AKAP19: variants seen among roughly 807,000 people sequenced by gnomAD.
AKAP19 encodes A-kinase anchoring protein 19.
At chr2:190,132,098 C>G in the AKAP19 span, among the ~76,000 whole-genome samples, 1 of 151,526 alleles carries the variant, frequency 6.6e-6, no homozygotes, top group South Asian at 2.1e-4. Flanking sequence ...GAAATTTAAC[C>G]AAAGAGGTGA....
At chr2:190,193,398 G>C in the AKAP19 span, among the ~76,000 whole-genome samples, 1 of 152,002 alleles carries the variant, frequency 6.6e-6, no homozygotes, top group African/African-American at 2.4e-5. Context: ...TGTCTTCTTG[G>C]TAATACTGGC....
the AKAP19 span, among the ~76,000 whole-genome samples, chr2:190,192,393 GTTCT>G: frequency 3.3e-5 from 5 of 149,864 alleles, no homozygotes; most frequent in Non-Finnish European, 5.9e-5. Flanking sequence ...CCAAATTATT[GTTCT>G]TTCTCAAAAT....
the AKAP19 span, among the ~76,000 whole-genome samples, chr2:190,181,807 T>C: frequency 1.2e-4 from 19 of 152,220 alleles, no homozygotes; most frequent in African/African-American, 3.4e-4. Context: ...GAATAGGGAA[T>C]CTACTTTTAT....
chr2:190,012,503 A>C, the AKAP19 span, among the ~76,000 whole-genome samples: 1 of 152,106 alleles, frequency 6.6e-6, no homozygotes, highest in African/African-American at 2.4e-5. Flanking sequence ...TATTAGTTCA[A>C]ACAGTTTTTT....
At chr2:190,141,099 G>A in the AKAP19 span, among the ~76,000 whole-genome samples, 3 of 152,114 alleles carry the variant, frequency 2.0e-5, no homozygotes, top group African/African-American at 7.2e-5. Flanking sequence ...ACCTCAGCCT[G>A]GACTTCATTG....
At chr2:189,916,587 G>T in the AKAP19 span, among the ~76,000 whole-genome samples, 1 of 152,080 alleles carries the variant, frequency 6.6e-6, no homozygotes, top group Non-Finnish European at 1.5e-5. Flanking sequence ...CTCCCAAAGT[G>T]CTGGGATTAC....
the AKAP19 span, among the ~76,000 whole-genome samples, chr2:189,975,899 G>T: frequency 6.6e-6 from 1 of 152,078 alleles, no homozygotes; most frequent in Non-Finnish European, 1.5e-5. Flanking sequence ...CTTTTTTCAA[G>T]GTTTTTAGCT....
At chr2:190,108,031 G>A in the AKAP19 span, among the ~76,000 whole-genome samples, 3 of 152,254 alleles carry the variant, frequency 2.0e-5, no homozygotes, top group African/African-American at 7.2e-5. Flanking sequence ...ACACAATCTG[G>A]TCCTTGTAGA....
chr2:189,931,037 G>T, the AKAP19 span: 1 of 591,936 alleles, frequency 1.7e-6, no homozygotes, highest in South Asian at 2.3e-5. Context: ...GTGGGTGTGT[G>T]ATCTGTGCAC....
the AKAP19 span, among the ~76,000 whole-genome samples, chr2:190,081,444 G>A: frequency 6.6e-6 from 1 of 151,946 alleles, no homozygotes; most frequent in Non-Finnish European, 1.5e-5. Flanking sequence ...TGTTTTGTGG[G>A]CTCATTCTTT....
At chr2:190,101,611 C>T in the AKAP19 span, among the ~76,000 whole-genome samples, 2 of 151,356 alleles carry the variant, frequency 1.3e-5, no homozygotes, top group Non-Finnish European at 2.9e-5. Context: ...GATAAAGGCT[C>T]AACAAGAAGA....
the AKAP19 span, among the ~76,000 whole-genome samples, chr2:190,118,867 G>A: frequency 2.0e-5 from 3 of 152,154 alleles, no homozygotes; most frequent in African/African-American, 7.2e-5. Flanking sequence ...GTTCTGGCCA[G>A]GGCAATCAGG....
At chr2:190,004,743 G>C in the AKAP19 span, among the ~76,000 whole-genome samples, 2 of 152,028 alleles carry the variant, frequency 1.3e-5, no homozygotes, top group Non-Finnish European at 2.9e-5. Flanking sequence ...CATCATAGGA[G>C]AAAGAGCAGA....
the AKAP19 span, among the ~76,000 whole-genome samples, chr2:189,965,869 T>C: frequency 6.6e-6 from 1 of 152,170 alleles, no homozygotes; most frequent in Non-Finnish European, 1.5e-5. Context: ...AAGCACACTT[T>C]GCAATTGCAA....
At chr2:190,038,910 C>CT in the AKAP19 span, among the ~76,000 whole-genome samples, 1,056 of 104,912 alleles carry the variant, frequency 0.01, 38 homozygotes, top group African/African-American at 0.055. Context: ...CTTTCTTCTT[C>CT]TTCTTCTTCT....
At chr2:190,080,526 A>G in the AKAP19 span, among the ~76,000 whole-genome samples, 13 of 152,332 alleles carry the variant, frequency 8.5e-5, no homozygotes, top group Middle Eastern at 3.4e-3. Flanking sequence ...GGTGATCTCT[A>G]TATAAAGTGC....
the AKAP19 span, among the ~76,000 whole-genome samples, chr2:190,148,624 T>A: frequency 6.6e-6 from 1 of 152,234 alleles, no homozygotes; most frequent in Non-Finnish European, 1.5e-5. Flanking sequence ...CTGCTGTGAA[T>A]CCCTCTGGTC....
chr2:190,080,336 A>C, the AKAP19 span, among the ~76,000 whole-genome samples: 3 of 152,212 alleles, frequency 2.0e-5, no homozygotes, highest in Admixed American at 2.0e-4. Flanking sequence ...CCAGTGGGGG[A>C]GACAGACTTG....
chr2:190,084,238 G>A, the AKAP19 span, among the ~76,000 whole-genome samples: 4 of 151,904 alleles, frequency 2.6e-5, no homozygotes, highest in African/African-American at 9.7e-5. Context: ...GATTACAGGC[G>A]CCCACCACCA....
Sources: allele counts gnomAD v4.1 joint callset (sites outside exome capture counted in the v4.1 genomes callset), GRCh38; gene constraint gnomAD v4.1.1; transcripts MANE v1.5; gene names NCBI Gene and HGNC (gene_info 2026-07-23, HGNC 2026-07-21).